Variants in EXOC6 observed in about 807,000 individuals in gnomAD.
EXOC6 encodes the protein exocyst complex component 6.
Under a neutral mutation model 112.5 loss-of-function variants are expected in EXOC6, and 60 were observed. That is an observed-to-expected ratio of 0.53 (90% CI 0.43 to 0.66). The LOEUF is 0.66. EXOC6 is among the 30% of genes least tolerant of loss of function. The pLI, the probability that EXOC6 is intolerant of heterozygous loss-of-function variation, is 0.00. For missense variants in EXOC6, 855 were observed against 957.1 expected (o/e 0.89, Z 1.41); for synonymous variants, 295 against 308.0 (o/e 0.96, Z 0.44).
At chr10:92,978,976 C>T (rs1022838808) in intron 18 of EXOC6, among the ~76,000 whole-genome samples, 3 of 152,130 alleles carry the variant, frequency 2.0e-5, no homozygotes, top group Admixed American at 1.3e-4. Flanking sequence ...AAGGGGCACT[C>T]TTTCAAATGT....
intron 20 of EXOC6, among the ~76,000 whole-genome samples, chr10:93,035,286 C>T (rs961106382): frequency 3.3e-5 from 5 of 152,088 alleles, no homozygotes; most frequent in Non-Finnish European, 7.4e-5. Flanking sequence ...CTTCAGCTAT[C>T]GATATGAACT....
At chr10:92,872,068 C>G (rs948720148) in intron 1 of EXOC6, among the ~76,000 whole-genome samples, 4 of 151,626 alleles carry the variant, frequency 2.6e-5, no homozygotes, top group Non-Finnish European at 5.9e-5. Flanking sequence ...ATGATTCTTT[C>G]CATTTCTTTT....
chr10:92,889,991 A>C (rs1158500276), intron 1 of EXOC6, among the ~76,000 whole-genome samples: 2 of 152,178 alleles, frequency 1.3e-5, no homozygotes, highest in Non-Finnish European at 2.9e-5. Flanking sequence ...GGATCAGTTT[A>C]TCGATGTCTG....
chr10:93,018,862 A>T (rs1284221402), intron 20 of EXOC6, among the ~76,000 whole-genome samples: 1 of 151,666 alleles, frequency 6.6e-6, no homozygotes, highest in African/African-American at 2.4e-5. Flanking sequence ...AAAAATATTA[A>T]ATTAAAAAAA....
chr10:92,907,018 A>G (rs1850479830), intron 5 of EXOC6, among the ~76,000 whole-genome samples: 1 of 152,200 alleles, frequency 6.6e-6, no homozygotes, highest in Admixed American at 6.5e-5. Flanking sequence ...AATTTTAGAA[A>G]GGATCCAGGG....
chr10:92,972,067 G>T (rs1166247629), intron 17 of EXOC6, among the ~76,000 whole-genome samples: 1 of 152,190 alleles, frequency 6.6e-6, no homozygotes, highest in Admixed American at 6.5e-5. Flanking sequence ...CTGGTGATTG[G>T]ATACAGATCT....
chr10:92,979,103 T>G (rs1842734047), intron 18 of EXOC6, among the ~76,000 whole-genome samples: 1 of 152,180 alleles, frequency 6.6e-6, no homozygotes, highest in South Asian at 2.1e-4. Flanking sequence ...GCTTAAAAGC[T>G]CCACCCTTAG....
chr10:92,904,129 A>G (rs567129362), intron 5 of EXOC6, among the ~76,000 whole-genome samples: 9 of 152,136 alleles, frequency 5.9e-5, no homozygotes, highest in Non-Finnish European at 1.2e-4. Flanking sequence ...TCCTTTTGTG[A>G]CTTGATAACT....
At chr10:92,909,982 A>T (rs1222536744) in intron 6 of EXOC6, among the ~76,000 whole-genome samples, 1 of 152,238 alleles carries the variant, frequency 6.6e-6, no homozygotes, top group African/African-American at 2.4e-5. Context: ...TTATGCTAAG[A>T]TTCTAAACTG....
rs572656222 is a variant in EXOC6, at chr10:93,038,769, C to T, written c.2170-18155C>T. ...ATATAATTTAGCTCAGTTCAACAAGCTTTGAGTACCCTAAAGGGAGAAGAG... is the reference window on the plus strand; with the variant it reads ...ATATAATTTAGCTCAGTTCAACAAGTTTTGAGTACCCTAAAGGGAGAAGAG... On this transcript the variant is annotated intron_variant, in intron 20 of 21. Coordinates refer to ENST00000260762, the MANE Select transcript of EXOC6 (RefSeq NM_019053.6). 2.4e-4 allele frequency among the ~76,000 whole-genome samples: 36 copies of T among 152,272 alleles called. No homozygotes were observed. In the East Asian group the frequency reaches 6.0e-3, roughly 25 times the overall value.
At chr10:92,888,481 C>T (rs148114066) in intron 1 of EXOC6, among the ~76,000 whole-genome samples, 3 of 152,292 alleles carry the variant, frequency 2.0e-5, no homozygotes, top group African/African-American at 4.8e-5. Context: ...TGTTATTACT[C>T]TTCTTCAAAA....
At chr10:92,959,494 G>T (rs1409959593) in intron 17 of EXOC6, among the ~76,000 whole-genome samples, 1 of 152,132 alleles carries the variant, frequency 6.6e-6, no homozygotes, top group Non-Finnish European at 1.5e-5. Flanking sequence ...ATCCATGATA[G>T]AAATAATTGA....
rs1204589315 is a variant in EXOC6, at chr10:93,059,432, T to C, written c.*1077T>C. On this transcript the variant is annotated 3_prime_UTR_variant, in exon 22 of 22. Coordinates refer to ENST00000260762, the MANE Select transcript of EXOC6 (RefSeq NM_019053.6). The stretch of plus-strand genomic sequence containing the variant: ...TCTGTAAAATAAGTGTAAAGAATTA[T>C]ATGTACATCTCTGGATTTTGTGATG... 1 of 152,208 alleles carries C rather than the reference T, an allele frequency of 6.6e-6. No individual in the cohort carries two copies. Among genetic ancestry groups the C allele is most frequent in the Non-Finnish European group, 1.5e-5 (1 of 68,030 alleles). 9.4% of individuals were successfully genotyped at this position (152,208 alleles called of 1,614,324 possible).
upstream of EXOC6, chr10:92,848,467 C>T (rs1269906285): frequency 3.4e-6 from 4 of 1,190,532 alleles, no homozygotes; most frequent in Admixed American, 1.2e-4. Flanking sequence ...GCGCTCGCGC[C>T]ACTTGGAGCT....
At chr10:92,842,440 G>GTCATCATCATCATCATCA (rs137992222) in intron 1 of EXOC6, among the ~76,000 whole-genome samples, 47 of 147,804 alleles carry the variant, frequency 3.2e-4, no homozygotes, top group Non-Finnish European at 4.3e-4. Flanking sequence ...AATGTCAGCT[G>GTCATCATCATCATCATCA]TCATCATCAT....
rs1291532615 is a variant in EXOC6 at position 92,865,748 on chromosome 10, C to T, written c.101+17114C>T. Among the ~76,000 whole-genome samples the T allele has an allele frequency of 2.6e-5, 4 of 152,136 alleles. No individual in the cohort carries two copies. In the East Asian group the frequency reaches 7.8e-4, roughly 30 times the overall value. ...CGAGTATCACTTTTGACTCCCAAAA[C>T]TTAACTACTAATGGCCTACTGTTGA... On this transcript the variant is annotated intron_variant, in intron 1 of 21. Transcript: ENST00000260762.
chr10:93,039,724 T>A (rs1778725158), intron 20 of EXOC6, among the ~76,000 whole-genome samples: 1 of 152,214 alleles, frequency 6.6e-6, no homozygotes, highest in Admixed American at 6.5e-5. Flanking sequence ...ACCTTCCAAC[T>A]TTTTTCCTGT....
At chr10:92,931,194 T>TA (rs1413917603) in intron 9 of EXOC6, among the ~76,000 whole-genome samples, 1 of 149,808 alleles carries the variant, frequency 6.7e-6, no homozygotes, top group Admixed American at 6.6e-5. Flanking sequence ...AACTCATGTC[T>TA]AAAAAGGGGC....
chr10:92,918,684 A>T (rs1290435599), intron 7 of EXOC6, among the ~76,000 whole-genome samples: 4 of 152,234 alleles, frequency 2.6e-5, no homozygotes, highest in African/African-American at 9.6e-5. Context: ...TTGGCCTCCT[A>T]AAGTGCTGGG....
Sources: allele counts gnomAD v4.1 joint callset (sites outside exome capture counted in the v4.1 genomes callset), GRCh38; gene constraint gnomAD v4.1.1; transcripts MANE v1.5; gene names NCBI Gene and HGNC (gene_info 2026-07-23, HGNC 2026-07-21).